PGM3: variants seen among roughly 807,000 people sequenced by gnomAD.
The protein encoded by PGM3 is phosphoglucomutase 3.
PGM3 carries 40 observed loss-of-function variants against 66.2 expected under a neutral mutation model. That is an observed-to-expected ratio of 0.60 (90% CI 0.47 to 0.79). The LOEUF (loss-of-function observed/expected upper bound fraction) is 0.79, where lower values mean the gene tolerates loss of function less well. Ranked by LOEUF, PGM3 falls within the 30% of genes least tolerant of loss-of-function variation. The probability of loss-of-function intolerance (pLI) is 0.00; values close to 1 mark genes in which losing one functional copy is unlikely to be tolerated. For missense variants in PGM3, 537 were observed against 643.4 expected (o/e 0.83, Z 1.79); for synonymous variants, 191 against 224.2 (o/e 0.85, Z 1.32).
intron 2 of PGM3, among the ~76,000 whole-genome samples, chr6:83,189,307 G>C (rs1416121916): frequency 1.3e-5 from 2 of 152,146 alleles, no homozygotes; most frequent in African/African-American, 4.8e-5. Flanking sequence ...CAGCGGGTAG[G>C]ACAGACACTG....
downstream of PGM3, chr6:83,157,356 A>T (rs757147390): frequency 2.5e-6 from 4 of 1,596,472 alleles, no homozygotes; most frequent in African/African-American, 5.4e-5. Flanking sequence ...ATAAATCTAA[A>T]TGATAAAACA....
At chr6:83,156,192 A>G, downstream of PGM3, 1 of 1,064,514 alleles carries the variant, frequency 9.4e-7, no homozygotes, top group Non-Finnish European at 1.3e-6. Context: ...GTTGGGGTAA[A>G]ATATATCAAG....
chr6:83,181,922 T>G lies in PGM3; in HGVS notation c.601A>C (p.Ser201Arg), dbSNP rs756396588. ...FVELTKQASC[S>R]GDEYRSLKVD... is the part of the protein sequence containing the mutation. ...TTAAGTGATCTGTATTCATCTCCAC[T>G]GCAAGAAGCCTACAAAGGAAAAAGA... The change falls in exon 6 of 13, where the codon AGT becomes CGT. Residue 201 changes from serine to arginine, a missense_variant. Physicochemically the swap from Ser to Arg is moderately radical, Grantham distance 110 (BLOSUM62 -1). Transcript: ENST00000513973. 6 of 1,584,228 alleles carry G rather than the reference T, an allele frequency of 3.8e-6. No homozygotes were observed. The highest frequency in any genetic ancestry group is 5.1e-6 in the Non-Finnish European group (6 of 1,170,818).
At position 83,165,295 on chromosome 6, in the gene PGM3, AAAT is replaced by A. The variant is rs1785207918; in HGVS notation, c.*3936_*3938del. The A allele has an allele frequency of 2.0e-5, 3 of 152,548 alleles. No homozygotes were observed. Among genetic ancestry groups the A allele is most frequent in the Admixed American group, 6.5e-5 (1 of 15,304 alleles). The allele number at this position is 152,548 out of a possible 1,614,324, so 9.4% of individuals were successfully genotyped here. ...TATCCTGTAATCTAGACTGGAAGCTAAATAATTGCTAGGAAGCAAACTTAAGTG... is the reference window on the plus strand; with the variant it reads ...TATCCTGTAATCTAGACTGGAAGCTAAATTGCTAGGAAGCAAACTTAAGTG... On this transcript the variant is annotated 3_prime_UTR_variant, in exon 13 of 13. Coordinates refer to ENST00000513973, the MANE Select transcript of PGM3 (RefSeq NM_015599.3).
rs952650904 is a variant in PGM3 at position 83,191,033 on chromosome 6, T to C, written c.-2-19A>G. ...TCCATGTCTACAAAATTAAGAAATA[T>C]TGTTTCGGGCATAACAAGTAATTTC... On this transcript the variant is annotated intron_variant, in intron 1 of 12. Coordinates refer to ENST00000513973, the MANE Select transcript of PGM3 (RefSeq NM_015599.3). The C allele has an allele frequency of 7.5e-6, 12 of 1,602,406 alleles. No individual in the cohort carries two copies. Among genetic ancestry groups the C allele is most frequent in the Admixed American group, 6.7e-5 (4 of 59,986 alleles).
intron 5 of PGM3, 103 bp from the exon 6 acceptor site, chr6:83,182,034 C>T (rs1788213693): frequency 6.8e-6 from 4 of 586,106 alleles, no homozygotes; most frequent in East Asian, 6.5e-5. Context: ...ATTTAGTTAA[C>T]TCATTTTAAT....
In PGM3 at chr6:83,166,985, A is replaced by G; in HGVS notation, c.*2249T>C. The G allele has an allele frequency of 9.1e-6, 9 of 985,950 alleles. No individual in the cohort carries two copies. Among genetic ancestry groups the G allele is most frequent in the Non-Finnish European group, 1.1e-5 (9 of 830,330 alleles). The allele number at this position is 985,950 out of a possible 1,614,324, so 61.1% of individuals were successfully genotyped here. On this transcript the variant is annotated 3_prime_UTR_variant, in exon 13 of 13. Transcript: ENST00000513973. The stretch of plus-strand genomic sequence containing the variant: ...TCTGTGATTCTGCCCAAGTTCAACC[A>G]ACCTGTTCTCTCTTATCTTTCTCTA...
At chr6:83,177,469 C>G (rs1027970070) in intron 8 of PGM3, among the ~76,000 whole-genome samples, 4 of 152,000 alleles carry the variant, frequency 2.6e-5, no homozygotes, top group African/African-American at 9.7e-5. Context: ...GGGTAAGAAA[C>G]AGTTTTATTA....
chr6:83,171,313 CTATTTT>C (rs901618958), intron 11 of PGM3: 8 of 152,026 alleles, frequency 5.3e-5, no homozygotes, highest in African/African-American at 1.9e-4. Flanking sequence ...TTTTTTATAT[CTATTTT>C]TAATTTTCCA....
At chr6:83,152,870 G>A in the PGM3 span, among the ~76,000 whole-genome samples, 3 of 152,026 alleles carry the variant, frequency 2.0e-5, no homozygotes, top group African/African-American at 4.8e-5. Flanking sequence ...CGCCCACCTC[G>A]GCTTCCCAAA....
downstream of PGM3, chr6:83,158,681 A>G (rs773136122): frequency 4.5e-5 from 53 of 1,165,322 alleles, no homozygotes; most frequent in Non-Finnish European, 5.7e-5. Flanking sequence ...ATTATTCAGA[A>G]TATTACTCAG....
downstream of PGM3, chr6:83,162,797 T>C: frequency 6.2e-7 from 1 of 1,611,856 alleles, no homozygotes; most frequent in Non-Finnish European, 8.5e-7. Context: ...TAGGTACCGA[T>C]GGGCCTTTAT....
Position 83,191,031 on chromosome 6 carries a change from T to C in PGM3, c.-2-17A>G, listed in dbSNP as rs376168024. The stretch of plus-strand genomic sequence containing the variant: ...AATCCATGTCTACAAAATTAAGAAA[T>C]ATTGTTTCGGGCATAACAAGTAATT... On this transcript the variant is annotated splice_polypyrimidine_tract_variant and intron_variant, in intron 1 of 12. Coordinates refer to ENST00000513973, the MANE Select transcript of PGM3 (RefSeq NM_015599.3). 46 of 1,607,066 alleles carry C rather than the reference T, an allele frequency of 2.9e-5. No homozygotes were observed. Among genetic ancestry groups the C allele is most frequent in the Non-Finnish European group, 3.9e-5 (46 of 1,173,784 alleles).
At chr6:83,187,177 T>C (rs940424910) in intron 3 of PGM3, 102 bp from the exon 4 acceptor site, 5 of 695,492 alleles carry the variant, frequency 7.2e-6, no homozygotes, top group African/African-American at 5.4e-5. Flanking sequence ...AATTTCAAAA[T>C]AGTAAGTTCC....
chr6:83,174,371 G>T lies in PGM3; in HGVS notation c.1242+3C>A, dbSNP rs201135600. 6 of 1,484,956 alleles carry T rather than the reference G, an allele frequency of 4.0e-6. No individual in the cohort carries two copies. The highest frequency in any genetic ancestry group is 3.4e-5 in the South Asian group (3 of 87,804). The allele number at this position is 1,484,956 out of a possible 1,614,324, so 92.0% of individuals were successfully genotyped here. A position where few individuals can be genotyped will look rare whatever the true frequency, so the allele number is the denominator to read the frequency against. On this transcript the variant is annotated splice_donor_region_variant and intron_variant, in intron 10 of 12. Coordinates refer to ENST00000513973, the MANE Select transcript of PGM3 (RefSeq NM_015599.3). The stretch of plus-strand genomic sequence containing the variant: ...AAGAGTCCACTGCCCCATCAGTTCT[G>T]ACCTGGTTAAACAAGTCAATAATGT...
the PGM3 span, among the ~76,000 whole-genome samples, chr6:83,153,231 T>C: frequency 5.3e-5 from 8 of 152,196 alleles, no homozygotes. Context: ...ATTCACTGTT[T>C]ACTCACTGTC....
chr6:83,179,090 C>T (rs1014442717), intron 7 of PGM3, among the ~76,000 whole-genome samples: 3 of 152,060 alleles, frequency 2.0e-5, no homozygotes, highest in Non-Finnish European at 4.4e-5. Context: ...GTGGGTGGAT[C>T]ACCTGAGGTC....
downstream of PGM3, chr6:83,158,705 A>C (rs1196946559): frequency 1.1e-6 from 1 of 942,424 alleles, no homozygotes; most frequent in African/African-American, 1.7e-5. Context: ...CTAGGAGAAT[A>C]TAGTCTTTTT....
At position 83,168,351 on chromosome 6, in the gene PGM3, G is replaced by T; in HGVS notation, c.*883C>A. The T allele has an allele frequency of 7.1e-7, 1 of 1,403,780 alleles. No homozygotes were observed. 87.0% of individuals were successfully genotyped at this position (1,403,780 alleles called of 1,614,324 possible). ...GTGGCCTGAATCAAGTTTAAATATT[G>T]TTGGCTCATACTGATTATGGTGCCT... On this transcript the variant is annotated 3_prime_UTR_variant, in exon 13 of 13. Transcript: ENST00000513973.
Sources: gnomAD v4.1 joint callset for allele counts (sites outside exome capture counted in the v4.1 genomes callset) on GRCh38, gnomAD v4.1.1 for gene constraint, MANE v1.5 for transcripts, NCBI Gene and HGNC (gene_info 2026-07-23, HGNC 2026-07-21) for gene names.